The following GNG4 variants were observed in gnomAD, a reference collection of about 807,000 sequenced individuals.
GNG4 encodes G protein subunit gamma 4.
A neutral mutation model predicts 5.8 loss-of-function variants in GNG4; 4 were observed. The ratio of observed to expected loss-of-function variants is 0.69; its 90% CI spans 0.34 to 1.57. The LOEUF is 1.57. Among genes scored for constraint, GNG4 ranks in the 40% most tolerant of loss-of-function variants. The probability of loss-of-function intolerance (pLI) is 0.06; values close to 1 mark genes in which losing one functional copy is unlikely to be tolerated. For synonymous variants in GNG4, 29 were observed against 32.9 expected, an observed-to-expected ratio of 0.88 and a Z score of 0.41; for missense variants, 96 against 95.1, an observed-to-expected ratio of 1.01 and a Z score of -0.04.
At chr1:235,571,725 T>C (rs994060) in intron 3 of GNG4, among the ~76,000 whole-genome samples, 102,631 of 151,562 alleles carry the variant, frequency 0.68, 35,159 homozygotes, top group East Asian at 0.87. Flanking sequence ...CATCACAGAG[T>C]GTACTTCTAC....
chr1:235,591,704 C>T (rs867358603), intron 2 of GNG4, among the ~76,000 whole-genome samples: 5 of 152,274 alleles, frequency 3.3e-5, no homozygotes, highest in Middle Eastern at 3.4e-3. Context: ...CACTGGCTAC[C>T]GGCAACACTG....
intron 1 of GNG4, among the ~76,000 whole-genome samples, chr1:235,645,166 A>C (rs1265339055): frequency 6.6e-6 from 1 of 152,084 alleles, no homozygotes; most frequent in African/African-American, 2.4e-5. Context: ...ATGGGGCATG[A>C]CCACCCCATC....
chr1:235,583,044 C>T (rs1687676174), intron 3 of GNG4, among the ~76,000 whole-genome samples: 2 of 152,102 alleles, frequency 1.3e-5, no homozygotes, highest in Admixed American at 6.6e-5. Context: ...TTTGTGTTCC[C>T]CAAGACCACA....
chr1:235,581,953 G>T (rs1034484179), intron 3 of GNG4, among the ~76,000 whole-genome samples: 1 of 152,172 alleles, frequency 6.6e-6, no homozygotes, highest in African/African-American at 2.4e-5. Flanking sequence ...AGAAGAGAAC[G>T]CCTGGGCAAA....
intron 1 of GNG4, chr1:235,615,188 A>G (rs574820967): frequency 2.0e-5 from 3 of 152,238 alleles, no homozygotes; most frequent in African/African-American, 4.8e-5. Context: ...ACCAATTACC[A>G]TGGATTATCA....
At chr1:235,633,299 C>T (rs1571924177) in intron 1 of GNG4, among the ~76,000 whole-genome samples, 1 of 151,968 alleles carries the variant, frequency 6.6e-6, no homozygotes, top group Non-Finnish European at 1.5e-5. Context: ...GGGATAAGTT[C>T]CACTTCTTCC....
intron 2 of GNG4, among the ~76,000 whole-genome samples, chr1:235,587,364 TGTGTGA>T (rs1473110979): frequency 1.3e-4 from 5 of 38,852 alleles, no homozygotes; most frequent in African/African-American, 7.7e-4. Context: ...GGGTGGGGTG[TGTGTGA>T]GTGTGTGTGT....
intron 1 of GNG4, among the ~76,000 whole-genome samples, chr1:235,597,197 C>T (rs1037373624): frequency 7.2e-5 from 11 of 152,236 alleles, no homozygotes; most frequent in Non-Finnish European, 1.0e-4. Context: ...CTCTGCCCTA[C>T]GGCATCCATC....
chr1:235,560,209 C>T (rs1687022410), intron 3 of GNG4, among the ~76,000 whole-genome samples: 1 of 152,136 alleles, frequency 6.6e-6, no homozygotes, highest in Non-Finnish European at 1.5e-5. Context: ...CATATATTGC[C>T]GTGGTTTGAA....
At chr1:235,591,795 C>T (rs1040125561) in intron 2 of GNG4, among the ~76,000 whole-genome samples, 4 of 152,228 alleles carry the variant, frequency 2.6e-5, no homozygotes, top group African/African-American at 9.6e-5. Context: ...GGGCCACGTG[C>T]TCACACAGCT....
intron 1 of GNG4, among the ~76,000 whole-genome samples, chr1:235,621,921 C>T (rs1688720362): frequency 6.6e-6 from 1 of 152,132 alleles, no homozygotes; most frequent in South Asian, 2.1e-4. Context: ...AAGCCATCCT[C>T]CCACCTCGGC....
chr1:235,599,203 A>G (rs891626101), intron 1 of GNG4, among the ~76,000 whole-genome samples: 1 of 152,078 alleles, frequency 6.6e-6, no homozygotes, highest in Admixed American at 6.5e-5. Flanking sequence ...GCCTGGTGGG[A>G]GACATCAGCT....
At chr1:235,622,955 G>A (rs1263569443) in intron 1 of GNG4, among the ~76,000 whole-genome samples, 4 of 151,176 alleles carry the variant, frequency 2.6e-5, no homozygotes, top group African/African-American at 4.9e-5. Flanking sequence ...CAGGAGAATC[G>A]CTTGAACCCG....
At position 235,583,730 on chromosome 1, in the gene GNG4, G is replaced by C. The variant is rs200950126; in HGVS notation, c.99+10C>G. Reference sequence around the variant, plus strand: ...CGGGCGGAGGGTGGGGCTGACGCATGCATGCTTACCTTGACCCTGTCCATA... The same window carrying C: ...CGGGCGGAGGGTGGGGCTGACGCATCCATGCTTACCTTGACCCTGTCCATA... On this transcript the variant is annotated intron_variant, in intron 3 of 3. Coordinates refer to ENST00000391854, the MANE Select transcript of GNG4 (RefSeq NM_001098722.2). 906 of 1,571,678 alleles carry C rather than the reference G, an allele frequency of 5.8e-4. 16 individuals are homozygous for C. The South Asian group carries it at 9.6e-3, about 17-fold the overall frequency.
chr1:235,587,303 AGGGT>A (rs1321764527), intron 2 of GNG4, among the ~76,000 whole-genome samples: 8 of 29,868 alleles, frequency 2.7e-4, no homozygotes, highest in East Asian at 1.9e-3. Flanking sequence ...GGTGTGTGTG[AGGGT>A]GAGGGGTGTG....
intron 2 of GNG4, among the ~76,000 whole-genome samples, chr1:235,589,347 G>A (rs189701636): frequency 2.0e-5 from 3 of 152,134 alleles, no homozygotes; most frequent in African/African-American, 4.8e-5. Flanking sequence ...TGCTGACCCC[G>A]AAGGCAGGGG....
rs188705920 is a variant in GNG4, at chr1:235,561,811, T to G, written c.100-9574A>C. 1.0e-3 allele frequency among the ~76,000 whole-genome samples: 153 copies of G among 152,368 alleles called. 1 individual carries two copies. Among genetic ancestry groups the G allele is most frequent in the African/African-American group, 3.5e-3 (145 of 41,588 alleles). On this transcript the variant is annotated intron_variant, in intron 3 of 3. Coordinates refer to ENST00000391854, the MANE Select transcript of GNG4 (RefSeq NM_001098722.2). ...TGCTTTTCACTGAAGTCTTAAATTTTACTGTAATCTAGCTTGTCTACTTTT... is the reference window on the plus strand; with the variant it reads ...TGCTTTTCACTGAAGTCTTAAATTTGACTGTAATCTAGCTTGTCTACTTTT...
chr1:235,551,781 G>T lies in GNG4; in HGVS notation c.*328C>A. On this transcript the variant is annotated 3_prime_UTR_variant, in exon 4 of 4. Coordinates refer to ENST00000391854, the MANE Select transcript of GNG4 (RefSeq NM_001098722.2). ...TTTTTTTTAAAATAAATTATCCACT[G>T]AAATGTATTAATATGATATAAACTT... 1 of 163,588 alleles carries T rather than the reference G, an allele frequency of 6.1e-6. No homozygotes were observed. The highest frequency in any genetic ancestry group is 6.1e-5 in the Admixed American group (1 of 16,394). The allele number at this position is 163,588 out of a possible 1,614,324, so 10.1% of individuals were successfully genotyped here. A position where few individuals can be genotyped will look rare whatever the true frequency, so the allele number is the denominator to read the frequency against.
intron 1 of GNG4, among the ~76,000 whole-genome samples, chr1:235,601,197 G>A (rs4659946): frequency 0.57 from 86,446 of 152,058 alleles, 25,321 homozygotes; most frequent in Middle Eastern, 0.69. Context: ...GTATGGGATA[G>A]GCTGGTGGGC....
Sources: gnomAD v4.1 joint callset for allele counts (sites outside exome capture counted in the v4.1 genomes callset) on GRCh38, gnomAD v4.1.1 for gene constraint, MANE v1.5 for transcripts, NCBI Gene and HGNC (gene_info 2026-07-23, HGNC 2026-07-21) for gene names.